Variants in NUTM2A observed in about 807,000 individuals in gnomAD.
NUTM2A encodes NUT family member 2A, also known as family with sequence similarity 22, member A.
In NUTM2A, 3 loss-of-function variants were observed where a neutral mutation model predicts 24.4. That is an observed-to-expected ratio of 0.12 (90% CI 0.06 to 0.32). The LOEUF (loss-of-function observed/expected upper bound fraction) is 0.32, where lower values mean the gene tolerates loss of function less well. NUTM2A is among the 10% of genes least tolerant of loss of function. The pLI, the probability that NUTM2A is intolerant of heterozygous loss-of-function variation, is 1.00. For synonymous variants in NUTM2A, 11 were observed against 278.4 expected (o/e 0.04, Z 9.56); for missense variants, 39 against 631.1 (o/e 0.06, Z 10.05).
rs1849410818 is a variant in NUTM2A, at chr10:87,234,786, C to T, written c.*78C>T. 1 of 1,107,394 alleles carries T rather than the reference C, an allele frequency of 9.0e-7. No homozygotes were observed. Among genetic ancestry groups the T allele is most frequent in the Admixed American group, 3.5e-5 (1 of 28,234 alleles). 68.6% of individuals were successfully genotyped at this position (1,107,394 alleles called of 1,614,324 possible). ...TCCGATGCCCCAAAGCGGTCAAAAGCTTCTTCTCCCCCAGTGCTGATCTTG... is the reference window on the plus strand; with the variant it reads ...TCCGATGCCCCAAAGCGGTCAAAAGTTTCTTCTCCCCCAGTGCTGATCTTG... On this transcript the variant is annotated 3_prime_UTR_variant, in exon 7 of 7. Transcript: ENST00000381707.
chr10:87,229,137 A>G (rs1849352724), intron 2 of NUTM2A, among the ~76,000 whole-genome samples, 175 bp downstream of exon 2: 1 of 152,194 alleles, frequency 6.6e-6, no homozygotes. Context: ...CTCAGGACAG[A>G]CTGTCAGGGG....
chr10:87,234,922 A>G lies in NUTM2A; in HGVS notation c.*214A>G, dbSNP rs1849413658. On this transcript the variant is annotated 3_prime_UTR_variant, in exon 7 of 7. Coordinates refer to ENST00000381707, the MANE Select transcript of NUTM2A (RefSeq NM_001099338.2). ...AAGGGGCTGGGGAGTGGGGGTGGGA[A>G]GCAGTGCGTTGGGGGCCTCGTGTGT... 7.0e-7 allele frequency: 1 copy of G among 1,419,968 alleles called. No homozygotes were observed. The highest frequency in any genetic ancestry group is 9.3e-7 in the Non-Finnish European group (1 of 1,080,012). The allele number at this position is 1,419,968 out of a possible 1,614,324, so 88.0% of individuals were successfully genotyped here. A position where few individuals can be genotyped will look rare whatever the true frequency, so the allele number is the denominator to read the frequency against.
rs999165400 is a variant in NUTM2A at position 87,233,168 on chromosome 10, CTG to C, written c.1734+189_1734+190del. ...GTGTGTTTGTGTCTGTGGTTTGTTA[CTG>C]TGTGTCTTTGTGTGTCTGTGTGGGT... On this transcript the variant is annotated intron_variant, in intron 5 of 6. Coordinates refer to ENST00000381707, the MANE Select transcript of NUTM2A (RefSeq NM_001099338.2). Among the ~76,000 whole-genome samples, 4 of 109,036 alleles carry C rather than the reference CTG, an allele frequency of 3.7e-5. No homozygotes were observed. The East Asian group carries it at 6.4e-4, about 17-fold the overall frequency. 71.5% of individuals were successfully genotyped at this position (109,036 alleles called of 152,430 possible).
Position 87,228,801 on chromosome 10 carries a change from A to C in NUTM2A, c.921A>C (p.Gly307=). The change falls in exon 2 of 7, where the codon GGA becomes GGC. Residue 307 remains glycine (G), a synonymous_variant. Transcript: ENST00000381707. ...NAGPWPQGAH[G]EGSLASSQAK... Reference sequence around the variant, plus strand: ...GGCCATGGCCACAAGGGGCTCACGGAGAGGGCAGCCTGGCTTCCTCCCAGG... The same window carrying C: ...GGCCATGGCCACAAGGGGCTCACGGCGAGGGCAGCCTGGCTTCCTCCCAGG... 1 of 1,332,514 alleles carries C rather than the reference A, an allele frequency of 7.5e-7. No homozygotes were observed. The highest frequency in any genetic ancestry group is 1.2e-5 in the South Asian group (1 of 80,896). The allele number at this position is 1,332,514 out of a possible 1,614,324, so 82.5% of individuals were successfully genotyped here. A position where few individuals can be genotyped will look rare whatever the true frequency, so the allele number is the denominator to read the frequency against.
intron 2 of NUTM2A, among the ~76,000 whole-genome samples, chr10:87,229,594 C>T (rs547537698): frequency 8.5e-4 from 129 of 152,298 alleles, no homozygotes; most frequent in African/African-American, 3.0e-3. Flanking sequence ...ATGCATAGCA[C>T]AGTGCCTGGC....
intron 5 of NUTM2A, among the ~76,000 whole-genome samples, chr10:87,233,246 T>C (rs1365208297): frequency 3.9e-5 from 2 of 51,574 alleles, no homozygotes; most frequent in Non-Finnish European, 8.1e-5. Flanking sequence ...TCCTGTGTCA[T>C]ATGTGGGTCT....
intron 2 of NUTM2A, among the ~76,000 whole-genome samples, chr10:87,229,457 T>C (rs1174094314): frequency 6.6e-6 from 1 of 152,236 alleles, no homozygotes; most frequent in Non-Finnish European, 1.5e-5. Flanking sequence ...GGGGATGGTC[T>C]TGGGCCCTGC....
chr10:87,229,579 A>G (rs1849360294), intron 2 of NUTM2A, among the ~76,000 whole-genome samples: 1 of 152,238 alleles, frequency 6.6e-6, no homozygotes, highest in Non-Finnish European at 1.5e-5. Flanking sequence ...GAGCTCACAT[A>G]TGACATGCAT....
chr10:87,229,053 T>A (rs532538967), intron 2 of NUTM2A, 91 bp downstream of exon 2: 1 of 1,186,040 alleles, frequency 8.4e-7, no homozygotes, highest in Non-Finnish European at 1.2e-6. Context: ...TCAGGGGAGC[T>A]TGCAGGGCGG....
intron 2 of NUTM2A, among the ~76,000 whole-genome samples, chr10:87,229,164 C>T (rs1168151595): frequency 2.6e-5 from 4 of 152,186 alleles, no homozygotes; most frequent in Non-Finnish European, 5.9e-5. Flanking sequence ...CTCAACTGCC[C>T]GTCACTGTCC....
intron 5 of NUTM2A, 136 bp downstream of exon 5, chr10:87,233,121 G>T (rs1279668945): frequency 2.0e-6 from 2 of 1,009,476 alleles, no homozygotes; most frequent in Non-Finnish European, 2.7e-6. Flanking sequence ...GTATGTGATT[G>T]TGTGTGTGTC....
At chr10:87,229,278 T>C (rs907405882) in intron 2 of NUTM2A, among the ~76,000 whole-genome samples, 7 of 152,198 alleles carry the variant, frequency 4.6e-5, no homozygotes, top group South Asian at 2.1e-4. Flanking sequence ...CGGTTTGGGT[T>C]TAGGTCTTTG....
Position 87,232,673 on chromosome 10 carries a change from A to C in NUTM2A, c.1422A>C (p.Pro474=). The C allele has an allele frequency of 4.9e-6, 3 of 617,766 alleles. No individual in the cohort carries two copies. Among genetic ancestry groups the C allele is most frequent in the Non-Finnish European group, 8.8e-6 (3 of 339,612 alleles). The allele number at this position is 617,766 out of a possible 1,614,324, so 38.3% of individuals were successfully genotyped here. A position where few individuals can be genotyped will look rare whatever the true frequency, so the allele number is the denominator to read the frequency against. The change falls in exon 5 of 7, where the codon CCA becomes CCC. Residue 474 remains proline (P), a synonymous_variant. Transcript: ENST00000381707. ...TGCCACCACCCAGGCCCCAGAGGCCAGTGACCAAGGCCCGCCGGCCACCAC... is the reference window on the plus strand; with the variant it reads ...TGCCACCACCCAGGCCCCAGAGGCCCGTGACCAAGGCCCGCCGGCCACCAC... The part of the protein sequence containing the change: ...ACLPPPRPQR[P]VTKARRPPPR...
At chr10:87,229,095 G>A in intron 2 of NUTM2A, 133 bp downstream of exon 2, 1 of 1,539,190 alleles carries the variant, frequency 6.5e-7, no homozygotes, top group Non-Finnish European at 9.0e-7. Context: ...CTATGGGAAG[G>A]TATATTTTTG....
At chr10:87,229,706 G>T (rs1467984003) in intron 2 of NUTM2A, among the ~76,000 whole-genome samples, 2 of 151,746 alleles carry the variant, frequency 1.3e-5, no homozygotes, top group East Asian at 3.8e-4. Context: ...AAAGCCACGG[G>T]CTCCAGTGAT....
chr10:87,229,483 G>A (rs1379990745), intron 2 of NUTM2A, among the ~76,000 whole-genome samples: 1 of 152,236 alleles, frequency 6.6e-6, no homozygotes. Flanking sequence ...GGCCGATGCC[G>A]AGCAGGTATT....
chr10:87,229,254 T>C (rs1362476281), intron 2 of NUTM2A, among the ~76,000 whole-genome samples: 1 of 152,182 alleles, frequency 6.6e-6, no homozygotes, highest in Non-Finnish European at 1.5e-5. Flanking sequence ...GGGTTCCTGG[T>C]GTGACGTGAG....
In NUTM2A at chr10:87,234,326, CAAGTGAGGAGG is replaced by C. The variant is rs1849400859; in HGVS notation, c.2257_2267del (p.Ser753GlyfsTer48). ...GAGTCACATGGGCTGGCTCAGGGGT[CAAGTGAGGAGG>C]AGGAACTCCCCAGCCTGGCCTTCCT... On this transcript the variant is annotated frameshift_variant, in exon 7 of 7. Transcript: ENST00000381707. LOFTEE classifies it low-confidence loss of function (END_TRUNC). 1 of 1,355,260 alleles carries C rather than the reference CAAGTGAGGAGG, an allele frequency of 7.4e-7. No individual in the cohort carries two copies. The highest frequency in any genetic ancestry group is 1.0e-6 in the Non-Finnish European group (1 of 992,068). The allele number at this position is 1,355,260 out of a possible 1,614,324, so 84.0% of individuals were successfully genotyped here.
chr10:87,229,427 C>CG (rs1849357665), intron 2 of NUTM2A, among the ~76,000 whole-genome samples: 2 of 152,244 alleles, frequency 1.3e-5, no homozygotes, highest in Non-Finnish European at 2.9e-5. Flanking sequence ...GTTAGCACAG[C>CG]GGTGGTGGAG....
Sources: gnomAD v4.1 joint callset for allele counts (sites outside exome capture counted in the v4.1 genomes callset) on GRCh38, gnomAD v4.1.1 for gene constraint, MANE v1.5 for transcripts, NCBI Gene and HGNC (gene_info 2026-07-23, HGNC 2026-07-21) for gene names.